AUTS2: variants seen among roughly 807,000 people sequenced by gnomAD.
AUTS2 encodes activator of transcription and developmental regulator AUTS2.
Under a neutral mutation model 112.4 loss-of-function variants are expected in AUTS2, and 17 were observed. The observed-to-expected ratio is 0.15, with a 90% CI of 0.10 to 0.23. The LOEUF is 0.23. AUTS2 is among the 10% of genes least tolerant of loss of function. AUTS2 has a pLI of 1.00. For synonymous variants in AUTS2, 751 were observed against 702.7 expected (o/e 1.07, Z -1.09); for missense variants, 1,510 against 1,701.6 (o/e 0.89, Z 1.98).
chr7:70,012,963 G>T (rs938194478), intron 2 of AUTS2, among the ~76,000 whole-genome samples: 2 of 152,174 alleles, frequency 1.3e-5, no homozygotes, highest in South Asian at 2.1e-4. Context: ...TGTTTTGGGG[G>T]TATGGAGAAA....
At chr7:69,871,221 G>A (rs921325692) in intron 1 of AUTS2, among the ~76,000 whole-genome samples, 2 of 152,138 alleles carry the variant, frequency 1.3e-5, no homozygotes, top group African/African-American at 4.8e-5. Flanking sequence ...GAAAAGGTAT[G>A]TTAGGATTTC....
intron 5 of AUTS2, among the ~76,000 whole-genome samples, chr7:70,480,924 A>G (rs1316859496): frequency 1.1e-4 from 16 of 152,210 alleles, no homozygotes; most frequent in Admixed American, 1.0e-3. Flanking sequence ...TAGTCTTTGC[A>G]GGGAGGGAAA....
intron 4 of AUTS2, among the ~76,000 whole-genome samples, chr7:70,355,288 C>T (rs778399745): frequency 1.3e-5 from 2 of 152,038 alleles, no homozygotes; most frequent in Non-Finnish European, 2.9e-5. Flanking sequence ...TGAGTCTCTA[C>T]CAAGAGCCCA....
rs1802890322 is a variant in AUTS2, at chr7:70,073,579, C to G, written c.523-44553C>G. Among the ~76,000 whole-genome samples the G allele has an allele frequency of 1.3e-5, 2 of 151,492 alleles. 1 individual carries two copies. Among genetic ancestry groups the G allele is most frequent in the South Asian group, 4.2e-4 (2 of 4,810 alleles). ...GGACATGGCCTTTGCATTTATATTC[C>G]AACATTTTGCCACAGATGAGTTATG... On this transcript the variant is annotated intron_variant, in intron 2 of 18. Coordinates refer to ENST00000342771, the MANE Select transcript of AUTS2 (RefSeq NM_015570.4).
intron 3 of AUTS2, among the ~76,000 whole-genome samples, chr7:70,131,315 C>T (rs889019333): frequency 6.6e-5 from 10 of 152,128 alleles, no homozygotes; most frequent in East Asian, 5.8e-4. Flanking sequence ...GGCACAGTAT[C>T]GCATGCCTGT....
chr7:70,425,656 CT>C (rs779669283), intron 4 of AUTS2, among the ~76,000 whole-genome samples: 1 of 152,198 alleles, frequency 6.6e-6, no homozygotes, highest in Non-Finnish European at 1.5e-5. Context: ...CCAGCCTGCA[CT>C]TTCTGAGGAG....
intron 5 of AUTS2, among the ~76,000 whole-genome samples, chr7:70,566,018 C>T (rs1381340616): frequency 6.6e-6 from 1 of 152,162 alleles, no homozygotes; most frequent in Non-Finnish European, 1.5e-5. Context: ...GGAAGACGAC[C>T]GTGCTGCCAC....
intron 2 of AUTS2, among the ~76,000 whole-genome samples, chr7:70,047,539 A>G (rs1801562878): frequency 6.6e-6 from 1 of 152,220 alleles, no homozygotes; most frequent in Admixed American, 6.5e-5. Flanking sequence ...CATAAAGAGC[A>G]TGACTTGGGC....
At chr7:70,733,851 T>C (rs1203911221) in intron 6 of AUTS2, among the ~76,000 whole-genome samples, 1 of 152,062 alleles carries the variant, frequency 6.6e-6, no homozygotes, top group African/African-American at 2.4e-5. Flanking sequence ...CCTCCAAAAG[T>C]GCTGGGATTA....
intron 2 of AUTS2, among the ~76,000 whole-genome samples, chr7:69,958,205 G>A (rs539411941): frequency 5.9e-5 from 9 of 152,096 alleles, no homozygotes; most frequent in Middle Eastern, 3.4e-3. Flanking sequence ...TTTGTAAATC[G>A]GGTTTTATTG....
At chr7:70,556,689 A>G (rs564820663) in intron 5 of AUTS2, among the ~76,000 whole-genome samples, 1 of 152,128 alleles carries the variant, frequency 6.6e-6, no homozygotes, top group East Asian at 1.9e-4. Context: ...GAGACCATTT[A>G]TCTCAGAGCT....
chr7:69,806,626 G>T (rs999871703), intron 1 of AUTS2, among the ~76,000 whole-genome samples: 5 of 152,036 alleles, frequency 3.3e-5, no homozygotes, highest in African/African-American at 4.8e-5. Flanking sequence ...GCACTACCAC[G>T]CCTGGCTAAT....
At chr7:70,135,870 T>G (rs1284916734) in intron 4 of AUTS2, among the ~76,000 whole-genome samples, 1 of 152,140 alleles carries the variant, frequency 6.6e-6, no homozygotes, top group Non-Finnish European at 1.5e-5. Context: ...GGATGTAGGT[T>G]GAGATGCTGG....
chr7:70,044,423 C>T (rs968724645), intron 2 of AUTS2, among the ~76,000 whole-genome samples: 10 of 152,122 alleles, frequency 6.6e-5, no homozygotes, highest in African/African-American at 9.7e-5. Flanking sequence ...TCCTTCCCCC[C>T]ACCCTCTGCC....
At chr7:69,961,531 G>C (rs1470718984) in intron 2 of AUTS2, among the ~76,000 whole-genome samples, 1 of 152,014 alleles carries the variant, frequency 6.6e-6, no homozygotes, top group Non-Finnish European at 1.5e-5. Flanking sequence ...AATTTCCTTT[G>C]AATATGTAAC....
At chr7:70,147,378 G>A (rs1197482598) in intron 4 of AUTS2, among the ~76,000 whole-genome samples, 1 of 152,142 alleles carries the variant, frequency 6.6e-6, no homozygotes, top group Non-Finnish European at 1.5e-5. Flanking sequence ...ATTGAAATGA[G>A]TGTGTAGATG....
intron 1 of AUTS2, among the ~76,000 whole-genome samples, chr7:69,692,699 A>G (rs1797400914): frequency 6.6e-6 from 1 of 152,084 alleles, no homozygotes; most frequent in African/African-American, 2.4e-5. Flanking sequence ...ACCAATCTGG[A>G]TTGTGTTTAG....
At chr7:70,332,774 A>G (rs576356812) in intron 4 of AUTS2, among the ~76,000 whole-genome samples, 100 of 152,338 alleles carry the variant, frequency 6.6e-4, no homozygotes, top group South Asian at 2.5e-3. Context: ...CAGAAAACTG[A>G]AACTGGACCC....
At chr7:70,012,725 C>CT (rs1343126757) in intron 2 of AUTS2, among the ~76,000 whole-genome samples, 1 of 152,182 alleles carries the variant, frequency 6.6e-6, no homozygotes, top group Non-Finnish European at 1.5e-5. Context: ...GCACACTATG[C>CT]TGACACTAAG....
Sources: allele counts gnomAD v4.1 joint callset (sites outside exome capture counted in the v4.1 genomes callset), GRCh38; gene constraint gnomAD v4.1.1; transcripts MANE v1.5; gene names NCBI Gene and HGNC (gene_info 2026-07-23, HGNC 2026-07-21).